The following DNM2 variants were observed in gnomAD, a reference collection of about 807,000 sequenced individuals.
DNM2 encodes dynamin 2.
Under a neutral mutation model 99.0 loss-of-function variants are expected in DNM2, and 15 were observed. The ratio of observed to expected loss-of-function variants is 0.15; its 90% CI spans 0.10 to 0.23. DNM2 has a LOEUF of 0.23. Ranked by LOEUF, DNM2 falls within the 10% of genes least tolerant of loss-of-function variation. DNM2 has a pLI of 1.00. For missense variants in DNM2, 742 were observed against 1,189.4 expected, an observed-to-expected ratio of 0.62 and a Z score of 5.53; for synonymous variants, 525 against 481.2, an observed-to-expected ratio of 1.09 and a Z score of -1.19.
Position 10,764,258 on chromosome 19 carries a change from G to C in DNM2, c.235+4447G>C, listed in dbSNP as rs2070725600. 6.6e-6 allele frequency among the ~76,000 whole-genome samples: 1 copy of C among 152,134 alleles called. No homozygotes were observed. The highest frequency in any genetic ancestry group is 2.4e-5 in the African/African-American group (1 of 41,426). ...CTTCATCTGTAAAATGGGGGTGATG[G>C]TGGCGCTGCCATCGTGGCCATGGCA... On this transcript the variant is annotated intron_variant, in intron 2 of 20. Transcript: ENST00000389253. The surrounding 1 kb of genome is among the most constrained non-coding windows in gnomAD (Gnocchi z 4.1).
Position 10,831,653 on chromosome 19 carries a change from C to T in DNM2, c.*606C>T, listed in dbSNP as rs1007247015. On this transcript the variant is annotated 3_prime_UTR_variant, in exon 21 of 21. Transcript: ENST00000389253. This position sits in a 1 kb window ranked among gnomAD's most constrained non-coding sequence, Gnocchi z 4.3. Reference sequence around the variant, plus strand: ...TAGGCCCGGAGCCGTTGGCCCGGGCCGGCCTTGCCCTATTCCTCTCCTCCT... The same window carrying T: ...TAGGCCCGGAGCCGTTGGCCCGGGCTGGCCTTGCCCTATTCCTCTCCTCCT... The T allele has an allele frequency of 1.2e-5, 12 of 985,946 alleles. No homozygotes were observed. Among genetic ancestry groups the T allele is most frequent in the South Asian group, 4.7e-5 (1 of 21,300 alleles). The allele number at this position is 985,946 out of a possible 1,614,324, so 61.1% of individuals were successfully genotyped here.
rs143624358 is a variant in DNM2 at position 10,806,430 on chromosome 19, G to A, written c.1545+463G>A. On this transcript the variant is annotated intron_variant, in intron 13 of 20. Transcript: ENST00000389253. ...CACCCCAGCTACTTAGGAGGCCAAG[G>A]TGGGAGGGTCACTTGAGCCCAGCAG... Among the ~76,000 whole-genome samples the A allele has an allele frequency of 4.1e-3, 624 of 152,184 alleles. 5 individuals are homozygous for A. Among genetic ancestry groups the A allele is most frequent in the African/African-American group, 0.014 (596 of 41,512 alleles).
At chr19:10,791,185 C>T (rs2071742018) in intron 7 of DNM2, among the ~76,000 whole-genome samples, 1 of 152,090 alleles carries the variant, frequency 6.6e-6, no homozygotes. Flanking sequence ...ACCTCCTGGG[C>T]TCAAGCAATT....
rs375350902 is a variant in DNM2 at position 10,829,226 on chromosome 19, C to A, written c.2249C>A (p.Pro750Gln). ...STSTVSTPVP[P>Q]PVDDTWLQSA... ...AGCACTGTGTCCACGCCTGTACCCC[C>A]GCCTGTCGATGACACCTGGCTCCAG... Residue 750 changes from proline to glutamine, a missense_variant, in exon 19 of 21, where the codon CCG becomes CAG. Transcript: ENST00000389253. 3 of 1,614,002 alleles carry A rather than the reference C, an allele frequency of 1.9e-6. No individual in the cohort carries two copies. Among genetic ancestry groups the A allele is most frequent in the South Asian group, 1.1e-5 (1 of 91,088 alleles).
intron 1 of DNM2, among the ~76,000 whole-genome samples, chr19:10,756,014 G>T (rs1325041515): frequency 6.6e-6 from 1 of 152,112 alleles, no homozygotes; most frequent in Admixed American, 6.6e-5. Context: ...CTGCCCCTCA[G>T]GTCCCTACCT....
chr19:10,737,355 C>T (rs562253159), intron 1 of DNM2, among the ~76,000 whole-genome samples: 1 of 152,088 alleles, frequency 6.6e-6, no homozygotes, highest in African/African-American at 2.4e-5. Context: ...GCTTAAAAGC[C>T]TCCTTCTCAA....
chr19:10,831,049 C>T lies in DNM2; in HGVS notation c.*2C>T, dbSNP rs2073334437. On this transcript the variant is annotated 3_prime_UTR_variant, in exon 21 of 21. Transcript: ENST00000389253. The surrounding 1 kb of genome is among the most constrained non-coding windows in gnomAD (Gnocchi z 4.3). ...GCCGAGCCATCCCTGCTCGACTAGG[C>T]CTCGAGGGGGGCGTGCTCTCGGGGG... The T allele has an allele frequency of 6.2e-7, 1 of 1,602,980 alleles. No individual in the cohort carries two copies. Among genetic ancestry groups the T allele is most frequent in the Admixed American group, 1.7e-5 (1 of 58,934 alleles).
chr19:10,746,096 G>A (rs2069956262), intron 1 of DNM2, among the ~76,000 whole-genome samples: 1 of 151,540 alleles, frequency 6.6e-6, no homozygotes, highest in Non-Finnish European at 1.5e-5. Context: ...GCAGCTAGGA[G>A]TACAGGCACA....
chr19:10,820,054 C>T lies in DNM2; in HGVS notation c.1746C>T (p.Asn582=). The change falls in exon 16 of 21, where the codon AAC becomes AAT. Residue 582 remains asparagine, a synonymous_variant. Coordinates refer to ENST00000389253, the MANE Select transcript of DNM2 (RefSeq NM_001005361.3). The surrounding 1 kb of genome is among the most constrained non-coding windows in gnomAD (Gnocchi z 4.3). ...IRDVEKGFMS[N]KHVFAIFNTE... ...ATGTGGAGAAGGGCTTCATGTCCAA[C>T]AAGCACGTCTTCGCCATCTTCAACA... 6.2e-7 allele frequency: 1 copy of T among 1,614,218 alleles called. No homozygotes were observed. Among genetic ancestry groups the T allele is most frequent in the Non-Finnish European group, 8.5e-7 (1 of 1,180,032 alleles).
rs149857699 is a variant in DNM2, at chr19:10,811,476, C to T, written c.1558-788C>T. 3.9e-5 allele frequency: 14 copies of T among 355,006 alleles called. No homozygotes were observed. Among genetic ancestry groups the T allele is most frequent in the Middle Eastern group, 1.0e-3 (1 of 958 alleles). 22.0% of individuals were successfully genotyped at this position (355,006 alleles called of 1,614,324 possible). A position where few individuals can be genotyped will look rare whatever the true frequency, so the allele number is the denominator to read the frequency against. On this transcript the variant is annotated intron_variant, in intron 14 of 20. Coordinates refer to ENST00000389253, the MANE Select transcript of DNM2 (RefSeq NM_001005361.3). This position sits in a 1 kb window ranked among gnomAD's most constrained non-coding sequence, Gnocchi z 5.4. Reference sequence around the variant, plus strand: ...CTTCGCAGCTGTCCATGGCCATGCTCAGCCCACCCTTTGTAGCTTGGCCAA... The same window carrying T: ...CTTCGCAGCTGTCCATGGCCATGCTTAGCCCACCCTTTGTAGCTTGGCCAA...
chr19:10,719,945 C>T (rs2068881226), intron 1 of DNM2, among the ~76,000 whole-genome samples: 1 of 152,170 alleles, frequency 6.6e-6, no homozygotes, highest in Admixed American at 6.5e-5. Flanking sequence ...CTTTTGCTAC[C>T]TTGTCTCTAG....
rs1291919776 is a variant in DNM2 at position 10,831,430 on chromosome 19, G to T, written c.*383G>T. Reference sequence around the variant, plus strand: ...GCCTTCTATAAGTGCGGGCACCAAGGGCGCCTACATCCCCAGGCCTTGCTG... The same window carrying T: ...GCCTTCTATAAGTGCGGGCACCAAGTGCGCCTACATCCCCAGGCCTTGCTG... On this transcript the variant is annotated 3_prime_UTR_variant, in exon 21 of 21. Coordinates refer to ENST00000389253, the MANE Select transcript of DNM2 (RefSeq NM_001005361.3). The surrounding 1 kb of genome is among the most constrained non-coding windows in gnomAD (Gnocchi z 4.3). The T allele has an allele frequency of 7.8e-5, 80 of 1,019,114 alleles. No homozygotes were observed. Among genetic ancestry groups the T allele is most frequent in the Non-Finnish European group, 7.7e-5 (66 of 852,292 alleles). 63.1% of individuals were successfully genotyped at this position (1,019,114 alleles called of 1,614,324 possible). A position where few individuals can be genotyped will look rare whatever the true frequency, so the allele number is the denominator to read the frequency against.
chr19:10,757,596 G>C (rs532254607), intron 1 of DNM2, among the ~76,000 whole-genome samples: 1 of 152,144 alleles, frequency 6.6e-6, no homozygotes, highest in Non-Finnish European at 1.5e-5. Flanking sequence ...CAATTGCCCT[G>C]TGTCCTGTAC....
chr19:10,812,413 G>C lies in DNM2; in HGVS notation c.1671+36G>C. The C allele has an allele frequency of 1.3e-6, 2 of 1,551,940 alleles. No individual in the cohort carries two copies. Among genetic ancestry groups the C allele is most frequent in the Admixed American group, 3.7e-5 (2 of 53,474 alleles). ...GGCGGGAGCAGGGCTGCTGGGGTAG[G>C]TGGGGCAGCCAGGGAAGAGCGGGTG... is the stretch of plus-strand genomic sequence containing the variant. On this transcript the variant is annotated intron_variant, in intron 15 of 20. Coordinates refer to ENST00000389253, the MANE Select transcript of DNM2 (RefSeq NM_001005361.3). This position sits in a 1 kb window ranked among gnomAD's most constrained non-coding sequence, Gnocchi z 4.0.
Position 10,734,638 on chromosome 19 carries a change from C to CAAA in DNM2, c.161+16256_161+16258dup, listed in dbSNP as rs61458566. Among the ~76,000 whole-genome samples the CAAA allele has an allele frequency of 2.0e-3, 116 of 58,484 alleles. 1 individual carries two copies. Among genetic ancestry groups the CAAA allele is most frequent in the East Asian group, 0.017 (30 of 1,750 alleles). 38.4% of individuals were successfully genotyped at this position (58,484 alleles called of 152,430 possible). On this transcript the variant is annotated intron_variant, in intron 1 of 20. Coordinates refer to ENST00000389253, the MANE Select transcript of DNM2 (RefSeq NM_001005361.3). Reference sequence around the variant, plus strand: ...CGGGCAACAGAGCCAGACCCTGTCTCAAAAAAAAAAAAAAAAAAAAAAAGC... The same window carrying CAAA: ...CGGGCAACAGAGCCAGACCCTGTCTCAAAAAAAAAAAAAAAAAAAAAAAAAAGC...
rs1232614274 is a variant in DNM2 at position 10,767,341 on chromosome 19, T to TCC, written c.236-5135_236-5134dup. Among the ~76,000 whole-genome samples, 4 of 152,160 alleles carry TCC rather than the reference T, an allele frequency of 2.6e-5. 1 individual carries two copies. In the South Asian group the frequency reaches 8.3e-4, roughly 31 times the overall value. On this transcript the variant is annotated intron_variant, in intron 2 of 20. Coordinates refer to ENST00000389253, the MANE Select transcript of DNM2 (RefSeq NM_001005361.3). ...TTGTTTTGAGACAGGGTCTCTGGCC[T>TCC]CCCCTTGTCATCCAGGCTGGAGTGC...
rs1033888973 is a variant in DNM2, at chr19:10,812,236, C to G, written c.1558-28C>G. 1 of 1,560,208 alleles carries G rather than the reference C, an allele frequency of 6.4e-7. No individual in the cohort carries two copies. Among genetic ancestry groups the G allele is most frequent in the African/African-American group, 1.4e-5 (1 of 73,520 alleles). ...GATGGCTGGGGCACGGAGCGAGGTT[C>G]CCTGCTAAGCTGCGCGCTTTCCCCC... On this transcript the variant is annotated intron_variant, in intron 14 of 20. Transcript: ENST00000389253. This position sits in a 1 kb window ranked among gnomAD's most constrained non-coding sequence, Gnocchi z 4.0.
chr19:10,831,054 AGGG>A lies in DNM2; in HGVS notation c.*11_*13del. ...GCCATCCCTGCTCGACTAGGCCTCG[AGGG>A]GGGCGTGCTCTCGGGGGGGCCTCAC... On this transcript the variant is annotated 3_prime_UTR_variant, in exon 21 of 21. Transcript: ENST00000389253. This position sits in a 1 kb window ranked among gnomAD's most constrained non-coding sequence, Gnocchi z 4.3. The A allele has an allele frequency of 6.3e-7, 1 of 1,598,104 alleles. No homozygotes were observed. The highest frequency in any genetic ancestry group is 8.5e-7 in the Non-Finnish European group (1 of 1,172,262).
rs182762909 is a variant in DNM2 at position 10,805,677 on chromosome 19, G to A, written c.1494-239G>A. On this transcript the variant is annotated intron_variant, in intron 12 of 20. Coordinates refer to ENST00000389253, the MANE Select transcript of DNM2 (RefSeq NM_001005361.3). ...CTAGTGACATCTGGAAGTAACCTGC[G>A]CTTTAGTAAGTCGGCTGAGATGAGG... Among the ~76,000 whole-genome samples the A allele has an allele frequency of 1.8e-3, 273 of 152,210 alleles. 1 individual carries two copies. The highest frequency in any genetic ancestry group is 6.3e-3 in the African/African-American group (260 of 41,508).
Sources: allele counts gnomAD v4.1 joint callset (sites outside exome capture counted in the v4.1 genomes callset), GRCh38; gene constraint gnomAD v4.1.1; non-coding constraint Gnocchi (gnomAD v3.1); transcripts MANE v1.5; gene names NCBI Gene and HGNC (gene_info 2026-07-23, HGNC 2026-07-21).